The following DPYD variants were observed in gnomAD, a reference collection of about 807,000 sequenced individuals.
The protein encoded by DPYD is dihydropyrimidine dehydrogenase, also known as dihydropyrimidine dehydrogenase [NADP(+)].
Under a neutral mutation model 116.2 loss-of-function variants are expected in DPYD, and 109 were observed. That is an observed-to-expected ratio of 0.94 (90% CI 0.80 to 1.10). The LOEUF (loss-of-function observed/expected upper bound fraction) is 1.10. DPYD is among the 50% of genes least tolerant of loss of function. The pLI, the probability that DPYD is intolerant of heterozygous loss-of-function variation, is 0.00. For missense variants in DPYD, 1,302 were observed against 1,254.5 expected (o/e 1.04, Z -0.57); for synonymous variants, 440 against 432.0 (o/e 1.02, Z -0.23).
intron 3 of DPYD, among the ~76,000 whole-genome samples, chr1:97,759,711 A>G (rs1187119132): frequency 6.6e-6 from 1 of 152,128 alleles, no homozygotes; most frequent in Admixed American, 6.6e-5. Context: ...TGTTGTCCTA[A>G]ATTGATATAC....
intron 18 of DPYD, among the ~76,000 whole-genome samples, chr1:97,237,504 G>A (rs1662028803): frequency 6.6e-6 from 1 of 152,044 alleles, no homozygotes; most frequent in Admixed American, 6.6e-5. Context: ...ATTAAGTTGG[G>A]CAAATTAGAA....
intron 3 of DPYD, among the ~76,000 whole-genome samples, chr1:97,812,602 A>C (rs969650282): frequency 6.6e-6 from 1 of 152,116 alleles, no homozygotes; most frequent in Non-Finnish European, 1.5e-5. Context: ...AGGATACAAA[A>C]TATAAAACTT....
intron 12 of DPYD, among the ~76,000 whole-genome samples, chr1:97,516,336 A>C (rs1648236685): frequency 6.6e-6 from 1 of 152,022 alleles, no homozygotes; most frequent in Admixed American, 6.6e-5. Flanking sequence ...GCCTAAATTC[A>C]ATTTCCAGTA....
intron 4 of DPYD, among the ~76,000 whole-genome samples, chr1:97,722,594 T>C (rs958110676): frequency 6.6e-6 from 1 of 151,588 alleles, no homozygotes; most frequent in Non-Finnish European, 1.5e-5. Flanking sequence ...CTTAACAATA[T>C]AAACATATTG....
Position 97,450,105 on chromosome 1 carries a change from T to C in DPYD, c.1859A>G (p.Tyr620Cys), listed in dbSNP as rs748235192. ...IELISEKTAA[Y>C]WCQSVTELKA... ...TAGTTCAGTGACACTTTGACACCAA[T>C]ATGCAGCCGTTTTCTCACTGATGAG... Residue 620 changes from tyrosine (Y) to cysteine (C), a missense_variant, in exon 14 of 23, where the codon TAT (tyrosine) becomes TGT (cysteine). Transcript: ENST00000370192. 2.5e-6 allele frequency: 4 copies of C among 1,613,872 alleles called. No individual in the cohort carries two copies. The highest frequency in any genetic ancestry group is 1.1e-5 in the South Asian group (1 of 91,094).
intron 8 of DPYD, among the ~76,000 whole-genome samples, chr1:97,665,329 T>C (rs1296994529): frequency 6.6e-6 from 1 of 152,180 alleles, no homozygotes; most frequent in African/African-American, 2.4e-5. Context: ...TAATTACAAA[T>C]AGACATTAAT....
At chr1:97,275,791 C>G (rs1028659359) in intron 18 of DPYD, among the ~76,000 whole-genome samples, 2 of 152,116 alleles carry the variant, frequency 1.3e-5, no homozygotes, top group East Asian at 3.9e-4. Context: ...CAGTTCTTTT[C>G]CATGATAAGT....
chr1:97,825,191 T>C (rs1391145867), intron 3 of DPYD, among the ~76,000 whole-genome samples: 2 of 151,902 alleles, frequency 1.3e-5, no homozygotes, highest in Non-Finnish European at 2.9e-5. Flanking sequence ...GGAGGAAGCA[T>C]GGGAGGGATC....
At chr1:97,667,366 G>A (rs1293889115) in intron 8 of DPYD, among the ~76,000 whole-genome samples, 1 of 151,948 alleles carries the variant, frequency 6.6e-6, no homozygotes, top group African/African-American at 2.4e-5. Flanking sequence ...AATTTTTATA[G>A]GAGAGGTTCT....
intron 18 of DPYD, among the ~76,000 whole-genome samples, chr1:97,251,750 T>C (rs1238929311): frequency 6.6e-6 from 1 of 152,154 alleles, no homozygotes; most frequent in Non-Finnish European, 1.5e-5. Context: ...AAGACAGGTA[T>C]TACGGCTAGA....
intron 4 of DPYD, among the ~76,000 whole-genome samples, chr1:97,729,014 A>G (rs1044276422): frequency 1.3e-5 from 2 of 152,138 alleles, no homozygotes; most frequent in Non-Finnish European, 2.9e-5. Context: ...TTCTCTTTTC[A>G]TATCTTAGAT....
chr1:97,504,684 T>A (rs559140907), intron 13 of DPYD, among the ~76,000 whole-genome samples: 1 of 152,160 alleles, frequency 6.6e-6, no homozygotes, highest in East Asian at 1.9e-4. Flanking sequence ...CTGTACAAAA[T>A]TATATTTAGC....
At chr1:97,504,567 G>A (rs1163219267) in intron 13 of DPYD, among the ~76,000 whole-genome samples, 1 of 151,946 alleles carries the variant, frequency 6.6e-6, no homozygotes, top group Non-Finnish European at 1.5e-5. Context: ...GCACCATAGG[G>A]AAGAGTTCCC....
intron 3 of DPYD, among the ~76,000 whole-genome samples, chr1:97,777,580 G>T (rs1403338167): frequency 6.6e-6 from 1 of 152,112 alleles, no homozygotes; most frequent in Non-Finnish European, 1.5e-5. Flanking sequence ...CTAGAACACA[G>T]GTCTTCCCAT....
chr1:97,843,776 T>C (rs1312247485), intron 2 of DPYD, among the ~76,000 whole-genome samples: 1 of 152,178 alleles, frequency 6.6e-6, no homozygotes, highest in Non-Finnish European at 1.5e-5. Context: ...TACAATACTT[T>C]TAGAGTTTAT....
chr1:97,596,407 C>T (rs959165995), intron 8 of DPYD, among the ~76,000 whole-genome samples: 1 of 151,826 alleles, frequency 6.6e-6, no homozygotes, highest in Non-Finnish European at 1.5e-5. Flanking sequence ...AAATTCTTAC[C>T]AAAACTTTGA....
chr1:97,529,753 TTTC>T (rs1353449228), intron 12 of DPYD, among the ~76,000 whole-genome samples: 2 of 135,496 alleles, frequency 1.5e-5, no homozygotes, highest in African/African-American at 5.9e-5. Context: ...TTTCCCTTCC[TTTC>T]TTTCTTTCTC....
At chr1:97,594,912 C>G (rs1386736274) in intron 9 of DPYD, 147 bp downstream of exon 9, 2 of 618,486 alleles carry the variant, frequency 3.2e-6, no homozygotes, top group South Asian at 3.8e-5. Flanking sequence ...TTATACCCGG[C>G]CTTTTTTTTT....
At chr1:97,916,212 T>G (rs2101717699) in intron 1 of DPYD, among the ~76,000 whole-genome samples, 1 of 152,298 alleles carries the variant, frequency 6.6e-6, no homozygotes, top group South Asian at 2.1e-4. Flanking sequence ...TACTTTAAGT[T>G]TTAGGGTACA....
Sources: gnomAD v4.1 joint callset for allele counts (sites outside exome capture counted in the v4.1 genomes callset) on GRCh38, gnomAD v4.1.1 for gene constraint, MANE v1.5 for transcripts, NCBI Gene and HGNC (gene_info 2026-07-23, HGNC 2026-07-21) for gene names.